Variants in SLC30A7 observed in about 807,000 individuals in gnomAD.
The protein encoded by SLC30A7 is solute carrier family 30 member 7.
A neutral mutation model predicts 46.0 loss-of-function variants in SLC30A7; 35 were observed. The observed-to-expected ratio is 0.76, with a 90% CI of 0.58 to 1.01. The LOEUF (loss-of-function observed/expected upper bound fraction) is 1.01. Ranked by LOEUF, SLC30A7 falls within the 50% of genes least tolerant of loss-of-function variation. The pLI, the probability that SLC30A7 is intolerant of heterozygous loss-of-function variation, is 0.00. For missense variants in SLC30A7, 464 were observed against 451.1 expected (o/e 1.03, Z -0.26); for synonymous variants, 147 against 157.8 (o/e 0.93, Z 0.51).
intron 6 of SLC30A7, among the ~76,000 whole-genome samples, chr1:100,917,240 G>A (rs1652626405): frequency 6.6e-6 from 1 of 152,150 alleles, no homozygotes; most frequent in Admixed American, 6.5e-5. Flanking sequence ...TTTCAGGGTA[G>A]CTACTTCTTC....
chr1:100,954,154 G>A (rs1017928158), intron 8 of SLC30A7, among the ~76,000 whole-genome samples: 1 of 152,120 alleles, frequency 6.6e-6, no homozygotes, highest in African/African-American at 2.4e-5. Context: ...TGTGCTGGGG[G>A]AATAAAATGA....
At chr1:100,932,490 C>T (rs1300662084) in intron 8 of SLC30A7, among the ~76,000 whole-genome samples, 1 of 151,942 alleles carries the variant, frequency 6.6e-6, no homozygotes, top group Non-Finnish European at 1.5e-5. Flanking sequence ...TATTACAAAG[C>T]ATGAAAAATA....
chr1:100,910,991 T>G (rs1652051596), intron 3 of SLC30A7, 72 bp from the exon 4 acceptor site: 5 of 1,181,624 alleles, frequency 4.2e-6, no homozygotes, highest in Non-Finnish European at 6.2e-6. Flanking sequence ...AATCTCTGAA[T>G]GTATGTAATT....
chr1:100,941,588 T>C, intron 8 of SLC30A7: 1 of 579,488 alleles, frequency 1.7e-6, no homozygotes, highest in East Asian at 4.3e-5. Context: ...CTGTTTAAAA[T>C]AATCTCTTAG....
intron 9 of SLC30A7, among the ~76,000 whole-genome samples, chr1:100,962,299 G>T (rs1473144879): frequency 6.6e-6 from 1 of 152,134 alleles, no homozygotes; most frequent in Admixed American, 6.5e-5. Flanking sequence ...GTCCAGTGGG[G>T]AAATACAGTA....
At chr1:100,995,365 G>A in the SLC30A7 span, 3 of 421,270 alleles carry the variant, frequency 7.1e-6, no homozygotes, top group East Asian at 4.1e-5. Flanking sequence ...AGACCATCCT[G>A]CTAACATCTA....
At chr1:100,913,497 C>T (rs1652266996) in intron 5 of SLC30A7, among the ~76,000 whole-genome samples, 166 bp from the exon 6 acceptor site, 1 of 152,184 alleles carries the variant, frequency 6.6e-6, no homozygotes. Flanking sequence ...TACTCCATAG[C>T]AGAAACTCAG....
rs12566231 is a variant in SLC30A7, at chr1:100,900,172, A to G, written c.182+3501A>G. Among the ~76,000 whole-genome samples, 46 of 152,308 alleles carry G rather than the reference A, an allele frequency of 3.0e-4. 1 individual carries two copies. In the East Asian group the frequency reaches 5.0e-3, roughly 17 times the overall value. ...CACTGGTTTTTTCTAGTATCTCAATATAGTTTCTGTGTTTTTATGTTCTTA... is the reference window on the plus strand; with the variant it reads ...CACTGGTTTTTTCTAGTATCTCAATGTAGTTTCTGTGTTTTTATGTTCTTA... On this transcript the variant is annotated intron_variant, in intron 2 of 10. Transcript: ENST00000357650.
the SLC30A7 span, chr1:100,989,562 G>C: frequency 6.6e-6 from 1 of 152,158 alleles, no homozygotes; most frequent in East Asian, 1.9e-4. Context: ...CTGCTGTCAG[G>C]ACAACTCCTC....
chr1:100,904,703 T>C (rs185902952), intron 2 of SLC30A7, among the ~76,000 whole-genome samples: 65 of 152,346 alleles, frequency 4.3e-4, no homozygotes, highest in Admixed American at 8.5e-4. Context: ...AATCTCTGTA[T>C]GGTGCCTGTG....
At chr1:100,986,517 G>T (rs1430771672), downstream of SLC30A7, among the ~76,000 whole-genome samples, 1 of 152,140 alleles carries the variant, frequency 6.6e-6, no homozygotes, top group Non-Finnish European at 1.5e-5. Context: ...TACAATGCTG[G>T]TGAGAATGCA....
chr1:100,912,004 T>A, intron 4 of SLC30A7, 108 bp from the exon 5 acceptor site: 1 of 1,024,618 alleles, frequency 9.8e-7, no homozygotes, highest in Non-Finnish European at 1.4e-6. Flanking sequence ...TTTTTAGTGT[T>A]TTTAATTCCA....
the SLC30A7 span, chr1:100,990,616 G>A: frequency 6.2e-7 from 1 of 1,613,664 alleles, no homozygotes; most frequent in Non-Finnish European, 8.5e-7. Flanking sequence ...AACACAAAGT[G>A]TCTCCTCGGT....
downstream of SLC30A7, among the ~76,000 whole-genome samples, chr1:100,983,401 C>CA (rs1326139897): frequency 6.6e-3 from 661 of 100,114 alleles, 6 homozygotes; most frequent in Non-Finnish European, 0.01. Flanking sequence ...CAAAACAAAA[C>CA]AAAACAAAAA....
intron 10 of SLC30A7, among the ~76,000 whole-genome samples, chr1:100,973,807 A>G (rs780881632): frequency 2.4e-4 from 37 of 152,166 alleles, no homozygotes; most frequent in Middle Eastern, 3.2e-3. Flanking sequence ...GAAAATATAT[A>G]TATCTATAGG....
chr1:100,944,558 A>C (rs1654522024), intron 8 of SLC30A7, among the ~76,000 whole-genome samples: 1 of 151,864 alleles, frequency 6.6e-6, no homozygotes. Context: ...CACAATTTGC[A>C]GGTTTGTTAA....
At chr1:100,972,626 TAAAAG>T (rs952957986) in intron 10 of SLC30A7, 7 of 152,080 alleles carry the variant, frequency 4.6e-5, no homozygotes, top group African/African-American at 1.7e-4. Context: ...TGTTGAAAAA[TAAAAG>T]AAATTAAGAC....
At chr1:100,964,283 A>ATAGGTTATATAACCTATAACC (rs1558007199) in intron 9 of SLC30A7, among the ~76,000 whole-genome samples, 1 of 78,558 alleles carries the variant, frequency 1.3e-5, no homozygotes, top group African/African-American at 5.1e-5. Flanking sequence ...AACCTATAAC[A>ATAGGTTATATAACCTATAACC]TATATGTTAT....
chr1:100,921,554 A>T, intron 7 of SLC30A7, 152 bp from the exon 8 acceptor site: 1 of 526,438 alleles, frequency 1.9e-6, no homozygotes, highest in Non-Finnish European at 3.2e-6. Flanking sequence ...GTACTATTAC[A>T]TGGTTACTAA....
Sources: allele counts gnomAD v4.1 joint callset (sites outside exome capture counted in the v4.1 genomes callset), GRCh38; gene constraint gnomAD v4.1.1; transcripts MANE v1.5; gene names NCBI Gene and HGNC (gene_info 2026-07-23, HGNC 2026-07-21).